The following DOCK4 variants were observed in gnomAD, a reference collection of about 807,000 sequenced individuals.
The protein encoded by DOCK4 is dedicator of cytokinesis protein 4.
Under a neutral mutation model 268.1 loss-of-function variants are expected in DOCK4, and 97 were observed. The observed-to-expected ratio is 0.36, with a 90% CI of 0.31 to 0.43. The LOEUF (loss-of-function observed/expected upper bound fraction) is 0.43. Among genes scored for constraint, DOCK4 ranks in the 20% least tolerant of loss-of-function variants. The pLI, the probability that DOCK4 is intolerant of heterozygous loss-of-function variation, is 1.00. For synonymous variants in DOCK4, 954 were observed against 887.2 expected (o/e 1.08, Z -1.34); for missense variants, 2,145 against 2,455.7 (o/e 0.87, Z 2.67).
chr7:112,066,015 C>G (rs1806895145), intron 1 of DOCK4, among the ~76,000 whole-genome samples: 1 of 152,134 alleles, frequency 6.6e-6, no homozygotes. Flanking sequence ...TGACTCATAC[C>G]CAAATGCCCA....
chr7:112,154,232 A>G (rs1459837608), intron 1 of DOCK4, among the ~76,000 whole-genome samples: 1 of 152,136 alleles, frequency 6.6e-6, no homozygotes, highest in African/African-American at 2.4e-5. Flanking sequence ...TCGGCCTCCC[A>G]AAGTGCTGGG....
intron 1 of DOCK4, among the ~76,000 whole-genome samples, chr7:112,163,619 T>C (rs1817335119): frequency 6.6e-6 from 1 of 152,224 alleles, no homozygotes; most frequent in African/African-American, 2.4e-5. Flanking sequence ...GAGCATAGTA[T>C]AGGCAAGGCA....
intron 17 of DOCK4, among the ~76,000 whole-genome samples, chr7:111,875,617 T>C (rs982021758): frequency 5.3e-5 from 8 of 152,194 alleles, no homozygotes; most frequent in African/African-American, 1.7e-4. Flanking sequence ...TTAAAAGATG[T>C]AAGATGGTCA....
intron 25 of DOCK4, among the ~76,000 whole-genome samples, chr7:111,838,084 C>T (rs1803372664): frequency 1.9e-5 from 2 of 102,738 alleles, no homozygotes; most frequent in Middle Eastern, 5.9e-3. Flanking sequence ...GAAACCCTAC[C>T]TCAAAAAAAA....
chr7:111,991,961 CAAAAAAAAAAAAAAA>C (rs60667093), intron 5 of DOCK4, among the ~76,000 whole-genome samples: 2 of 50,882 alleles, frequency 3.9e-5, no homozygotes, highest in African/African-American at 8.2e-5. Context: ...ACTCTGTCTC[CAAAAAAAAAAAAAAA>C]AAAAAAAAAA....
intron 30 of DOCK4, among the ~76,000 whole-genome samples, chr7:111,802,248 G>A (rs532779598): frequency 6.6e-6 from 1 of 152,192 alleles, no homozygotes; most frequent in African/African-American, 2.4e-5. Flanking sequence ...AAATTGAGTG[G>A]GGGGAAAGAC....
intron 1 of DOCK4, among the ~76,000 whole-genome samples, chr7:112,105,737 G>A (rs993565397): frequency 6.8e-6 from 1 of 146,276 alleles, no homozygotes; most frequent in African/African-American, 2.6e-5. Flanking sequence ...CACCTAGGCT[G>A]GAGTGCAGTG....
chr7:112,172,671 G>A (rs1230866237), intron 1 of DOCK4, among the ~76,000 whole-genome samples: 3 of 152,108 alleles, frequency 2.0e-5, no homozygotes, highest in Non-Finnish European at 4.4e-5. Context: ...TGAACAGTAT[G>A]TCATTATATG....
chr7:111,988,486 G>A (rs1245874233), intron 6 of DOCK4, among the ~76,000 whole-genome samples: 2 of 152,098 alleles, frequency 1.3e-5, no homozygotes, highest in African/African-American at 4.8e-5. Context: ...GCTTTTTACT[G>A]AGTTCTCTCA....
chr7:111,742,642 AAAAAC>A (rs1795995848), intron 44 of DOCK4, among the ~76,000 whole-genome samples: 1 of 152,224 alleles, frequency 6.6e-6, no homozygotes, highest in African/African-American at 2.4e-5. Context: ...GGAGGATGGA[AAAAAC>A]AAAACAAAAA....
Position 111,870,562 on chromosome 7 carries a change from T to C in DOCK4, c.2028-907A>G, listed in dbSNP as rs921361009. Reference sequence around the variant, plus strand: ...GTCTTGAACTCCTGACCTCAAATGATCTGTCCACCTTGGCCTCCCAAAGTG... The same window carrying C: ...GTCTTGAACTCCTGACCTCAAATGACCTGTCCACCTTGGCCTCCCAAAGTG... On this transcript the variant is annotated intron_variant, in intron 20 of 52. Coordinates refer to ENST00000428084, the MANE Select transcript of DOCK4 (RefSeq NM_001363540.2). 1.2e-4 allele frequency among the ~76,000 whole-genome samples: 18 copies of C among 152,208 alleles called. No individual in the cohort carries two copies. The Middle Eastern group carries it at 0.01, about 86-fold the overall frequency.
chr7:111,875,992 A>C lies in DOCK4; in HGVS notation c.1744+1038T>G, dbSNP rs956256090. ...ACCTAATCCACATAGAATAAATAAA[A>C]ATTTCTGTTTAAGGATCTCAATAAG... On this transcript the variant is annotated intron_variant, in intron 17 of 52. Transcript: ENST00000428084. 3.7e-4 allele frequency among the ~76,000 whole-genome samples: 56 copies of C among 152,154 alleles called. 2 individuals are homozygous for C. Among genetic ancestry groups the C allele is most frequent in the Non-Finnish European group, 1.5e-5 (1 of 68,026 alleles).
chr7:111,900,391 T>C lies in DOCK4; in HGVS notation c.1463A>G (p.Glu488Gly). 1 of 1,613,164 alleles carries C rather than the reference T, an allele frequency of 6.2e-7. No individual in the cohort carries two copies. The highest frequency in any genetic ancestry group is 8.5e-7 in the Non-Finnish European group (1 of 1,179,622). The change falls in exon 15 of 53, where the codon GAG becomes GGG. Residue 488 changes from glutamate (E) to glycine (G), a missense_variant. Glu to Gly is a moderately conservative substitution (Grantham distance 98). Transcript: ENST00000428084. ...ACACTTACTGGAACAATGCCGAAAC[T>C]CGAAGCGGATGTGTGCACCCCGGAA... ...DKFRGAHIRF[E>G]FRHCSTKEKG...
Position 111,915,552 on chromosome 7 carries a change from C to T in DOCK4, c.1192+227G>A, listed in dbSNP as rs571542987. 3.3e-5 allele frequency among the ~76,000 whole-genome samples: 5 copies of T among 152,200 alleles called. No individual in the cohort carries two copies. In the East Asian group the frequency reaches 9.7e-4, roughly 29 times the overall value. On this transcript the variant is annotated intron_variant, in intron 13 of 52. Transcript: ENST00000428084. The stretch of plus-strand genomic sequence containing the variant: ...ATCAGAATGTAAAGACATTTTTGAG[C>T]TTCAAATCACTGACAAGAAAGTTTA...
chr7:111,812,258 G>A (rs759994614), intron 27 of DOCK4, among the ~76,000 whole-genome samples: 1 of 152,098 alleles, frequency 6.6e-6, no homozygotes, highest in Non-Finnish European at 1.5e-5. Context: ...AAAGCAAAAT[G>A]ATTTACTACA....
chr7:112,090,514 G>A (rs1035610111), intron 1 of DOCK4, among the ~76,000 whole-genome samples: 2 of 152,152 alleles, frequency 1.3e-5, no homozygotes, highest in Admixed American at 1.3e-4. Context: ...ATCTGCATAT[G>A]TAAGTAACCA....
chr7:111,740,288 C>CG (rs1337320676), intron 47 of DOCK4: 1 of 270,244 alleles, frequency 3.7e-6, no homozygotes, highest in Non-Finnish European at 7.5e-6. Context: ...TTGATAGAGA[C>CG]GGGGTTTCAC....
At chr7:111,904,567 G>T (rs984638359) in intron 13 of DOCK4, among the ~76,000 whole-genome samples, 7 of 152,148 alleles carry the variant, frequency 4.6e-5, no homozygotes, top group African/African-American at 1.7e-4. Context: ...TCTCAGGCCA[G>T]TCCCCAAGGC....
intron 8 of DOCK4, among the ~76,000 whole-genome samples, chr7:111,969,145 G>A (rs377686768): frequency 0.19 from 23,187 of 121,242 alleles, 1,502 homozygotes; most frequent in African/African-American, 0.33. Flanking sequence ...CACCAGCATG[G>A]CACATGTATA....
Sources: allele counts gnomAD v4.1 joint callset (sites outside exome capture counted in the v4.1 genomes callset), GRCh38; gene constraint gnomAD v4.1.1; transcripts MANE v1.5; gene names NCBI Gene and HGNC (gene_info 2026-07-23, HGNC 2026-07-21).